The following ZNF704 variants were observed in gnomAD, a reference collection of about 807,000 sequenced individuals.
The protein encoded by ZNF704 is zinc finger protein 704, also known as glucocorticoid induced gene 1.
ZNF704 carries 10 observed loss-of-function variants against 44.7 expected under a neutral mutation model. That is an observed-to-expected ratio of 0.22 (90% confidence interval 0.14 to 0.38). The LOEUF (loss-of-function observed/expected upper bound fraction) is 0.38, where lower values mean the gene tolerates loss of function less well. Ranked by LOEUF, ZNF704 falls within the 10% of genes least tolerant of loss-of-function variation. ZNF704 has a pLI of 1.00. For missense variants in ZNF704, 390 were observed against 545.5 expected (o/e 0.71, Z 2.84); for synonymous variants, 211 against 207.6 (o/e 1.02, Z -0.14).
chr8:80,692,466 A>G (rs77546857), intron 3 of ZNF704, among the ~76,000 whole-genome samples: 1,571 of 152,336 alleles, frequency 0.01, 39 homozygotes, highest in African/African-American at 0.036. Flanking sequence ...TTCCCCAAAG[A>G]GATAGTATAC....
At chr8:80,857,012 T>C (rs1808974283) in intron 1 of ZNF704, among the ~76,000 whole-genome samples, 2 of 152,166 alleles carry the variant, frequency 1.3e-5, no homozygotes, top group African/African-American at 4.8e-5. Context: ...TTTAGGTCTT[T>C]GCTCTCTCTC....
intron 2 of ZNF704, among the ~76,000 whole-genome samples, chr8:80,731,625 T>A (rs985653314): frequency 5.3e-5 from 8 of 152,130 alleles, no homozygotes; most frequent in African/African-American, 1.7e-4. Context: ...GTCAGCCGGG[T>A]GTGGTGACAT....
At chr8:80,805,434 T>G (rs1807973184) in intron 2 of ZNF704, among the ~76,000 whole-genome samples, 1 of 152,164 alleles carries the variant, frequency 6.6e-6, no homozygotes, top group South Asian at 2.1e-4. Flanking sequence ...ATTCTGGAAT[T>G]ATGGGGGACC....
intron 1 of ZNF704, among the ~76,000 whole-genome samples, chr8:80,859,124 CT>C (rs1355626418): frequency 6.6e-6 from 1 of 152,156 alleles, no homozygotes; most frequent in Non-Finnish European, 1.5e-5. Context: ...TATTTTGAAG[CT>C]TTCCTATGAG....
chr8:80,763,497 C>G (rs1460913088), intron 2 of ZNF704, among the ~76,000 whole-genome samples: 1 of 152,218 alleles, frequency 6.6e-6, no homozygotes, highest in Non-Finnish European at 1.5e-5. Flanking sequence ...TTAGCCATAA[C>G]TAGAGCAACT....
At chr8:80,784,522 A>G (rs534581679) in intron 2 of ZNF704, among the ~76,000 whole-genome samples, 1 of 152,116 alleles carries the variant, frequency 6.6e-6, no homozygotes, top group South Asian at 2.1e-4. Flanking sequence ...ATGATGTTGA[A>G]CCTCTTTTCA....
intron 2 of ZNF704, among the ~76,000 whole-genome samples, chr8:80,772,292 T>C (rs986305764): frequency 2.6e-5 from 4 of 152,172 alleles, no homozygotes; most frequent in African/African-American, 9.7e-5. Flanking sequence ...GCTTTGTTGA[T>C]TTATTAATCT....
chr8:80,769,316 TAG>T (rs1407028978), intron 2 of ZNF704, among the ~76,000 whole-genome samples: 2 of 152,212 alleles, frequency 1.3e-5, no homozygotes, highest in Non-Finnish European at 1.5e-5. Flanking sequence ...GAAAATAATA[TAG>T]AGAGTTCCCA....
At chr8:80,716,667 T>A in intron 2 of ZNF704, among the ~76,000 whole-genome samples, 1 of 152,232 alleles carries the variant, frequency 6.6e-6, no homozygotes, top group East Asian at 1.9e-4. Flanking sequence ...CTTTAAACTG[T>A]TTTTGTTCAT....
At chr8:80,795,645 G>A (rs956472165) in intron 2 of ZNF704, among the ~76,000 whole-genome samples, 1 of 151,618 alleles carries the variant, frequency 6.6e-6, no homozygotes, top group Non-Finnish European at 1.5e-5. Context: ...TTGAACCCAG[G>A]AGGCAGAGGC....
intron 2 of ZNF704, among the ~76,000 whole-genome samples, chr8:80,727,461 A>ACAAAATAACC (rs768656802): frequency 3.3e-5 from 5 of 152,002 alleles, no homozygotes; most frequent in Non-Finnish European, 5.9e-5. Context: ...TAAAAATAAT[A>ACAAAATAACC]CAAAATAACC....
chr8:80,762,082 T>C (rs965354965), intron 2 of ZNF704, among the ~76,000 whole-genome samples: 1 of 152,236 alleles, frequency 6.6e-6, no homozygotes, highest in African/African-American at 2.4e-5. Context: ...GTTGTGATAA[T>C]GCACTTTTGT....
intron 2 of ZNF704, among the ~76,000 whole-genome samples, chr8:80,739,492 G>T (rs947859916): frequency 6.6e-6 from 1 of 152,186 alleles, no homozygotes; most frequent in Admixed American, 6.5e-5. Flanking sequence ...CAAACTCAGG[G>T]AGGCTTGGCA....
chr8:80,653,382 C>G (rs1563506066), intron 7 of ZNF704, among the ~76,000 whole-genome samples: 1 of 152,070 alleles, frequency 6.6e-6, no homozygotes, highest in Admixed American at 6.6e-5. Context: ...TCAAATTGCC[C>G]CTGTTTGCAG....
intron 5 of ZNF704, 65 bp downstream of exon 5, chr8:80,670,438 C>T: frequency 8.3e-7 from 1 of 1,200,458 alleles, no homozygotes; most frequent in Middle Eastern, 2.4e-4. Context: ...TGTGCAATTT[C>T]TGAGTGCGGG....
At position 80,673,624 on chromosome 8, in the gene ZNF704, C is replaced by T. The variant is rs533215685; in HGVS notation, c.559-3021G>A. On this transcript the variant is annotated intron_variant, in intron 4 of 8. Coordinates refer to ENST00000327835, the MANE Select transcript of ZNF704 (RefSeq NM_001033723.3). ...AGCAATCATTCACATATTTAGAAGA[C>T]GACTCATCAGCTATTACTGATGGAA... is the stretch of plus-strand genomic sequence containing the variant. Among the ~76,000 whole-genome samples, 12 of 152,242 alleles carry T rather than the reference C, an allele frequency of 7.9e-5. No homozygotes were observed. In the East Asian group the frequency reaches 1.2e-3, roughly 15 times the overall value.
At chr8:80,824,857 TACAA>T (rs1401334854) in intron 1 of ZNF704, among the ~76,000 whole-genome samples, 10 of 152,246 alleles carry the variant, frequency 6.6e-5, no homozygotes, top group Non-Finnish European at 1.5e-4. Context: ...TAAAATCCTT[TACAA>T]ACAAACAAAT....
At chr8:80,693,560 G>A (rs535388429) in intron 2 of ZNF704, among the ~76,000 whole-genome samples, 1 of 152,318 alleles carries the variant, frequency 6.6e-6, no homozygotes, top group East Asian at 1.9e-4. Flanking sequence ...CCTGCCTGTA[G>A]GGGCTGCATC....
intron 3 of ZNF704, among the ~76,000 whole-genome samples, chr8:80,690,225 A>T (rs181758676): frequency 6.3e-4 from 96 of 152,346 alleles, no homozygotes; most frequent in Non-Finnish European, 4.4e-4. Context: ...TGTGCTAACG[A>T]AAGTTTGCAT....
Sources: allele counts gnomAD v4.1 joint callset (sites outside exome capture counted in the v4.1 genomes callset), GRCh38; gene constraint gnomAD v4.1.1; transcripts MANE v1.5; gene names NCBI Gene and HGNC (gene_info 2026-07-23, HGNC 2026-07-21).